GDF5: variants seen among roughly 807,000 people sequenced by gnomAD.
The protein encoded by GDF5 is growth differentiation factor 5, also known as growth/differentiation factor 5.
GDF5 carries 17 observed loss-of-function variants against 34.6 expected under a neutral mutation model. The observed-to-expected ratio is 0.49, with a 90% CI of 0.34 to 0.74. The LOEUF (loss-of-function observed/expected upper bound fraction) is 0.74. Among genes scored for constraint, GDF5 ranks in the 30% least tolerant of loss-of-function variants. The probability of loss-of-function intolerance (pLI) is 0.01; values close to 1 mark genes in which losing one functional copy is unlikely to be tolerated. For missense variants in GDF5, 616 were observed against 661.2 expected, an observed-to-expected ratio of 0.93 and a Z score of 0.75; for synonymous variants, 332 against 290.7, an observed-to-expected ratio of 1.14 and a Z score of -1.44.
intron 1 of GDF5, among the ~76,000 whole-genome samples, chr20:35,449,487 TGCTGTGTAGCCA>T (rs1278056640): frequency 6.6e-6 from 1 of 152,302 alleles, no homozygotes; most frequent in East Asian, 1.9e-4. Context: ...AGTGGCCTGA[TGCTGTGTAGCCA>T]GCTGCTCCCT....
chr20:35,438,663 T>C (rs2062486033), upstream of GDF5, among the ~76,000 whole-genome samples: 1 of 152,204 alleles, frequency 6.6e-6, no homozygotes, highest in Non-Finnish European at 1.5e-5. Flanking sequence ...CTCCACCTCA[T>C]GGAGCAGCCC....
chr20:35,448,236 C>T (rs900476186), intron 1 of GDF5, among the ~76,000 whole-genome samples: 1 of 151,830 alleles, frequency 6.6e-6, no homozygotes, highest in African/African-American at 2.4e-5. Context: ...CTAATTCCCA[C>T]TTTGTGTATA....
Position 35,434,418 on chromosome 20 carries a change from C to G in GDF5, c.997G>C (p.Ala333Pro). 6.2e-7 allele frequency: 1 copy of G among 1,613,592 alleles called. No homozygotes were observed. Among genetic ancestry groups the G allele is most frequent in the African/African-American group, 1.3e-5 (1 of 75,060 alleles). The stretch of plus-strand genomic sequence containing the variant: ...AGGGCTTTCTCGTGGACCTGCCGGG[C>G]GGCGCGGTCGAAGCCCAGGCCACGG... ...DLRGLGFDRA[A>P]RQVHEKALFL... is the part of the protein sequence containing the mutation. The change falls in exon 2 of 2, where the codon GCC becomes CCC. Residue 333 changes from alanine to proline, a missense_variant. Ala to Pro is a conservative substitution (Grantham distance 27, BLOSUM62 -1). Coordinates refer to ENST00000374369, the MANE Select transcript of GDF5 (RefSeq NM_000557.5).
At chr20:35,451,063 A>T (rs1267494369) in intron 1 of GDF5, among the ~76,000 whole-genome samples, 707 of 13,830 alleles carry the variant, frequency 0.051, 75 homozygotes, top group East Asian at 0.33. Flanking sequence ...AAAAAAAAAA[A>T]AATATATATA....
chr20:35,445,372 TA>T (rs923895389), intron 1 of GDF5, among the ~76,000 whole-genome samples: 2 of 150,990 alleles, frequency 1.3e-5, no homozygotes, highest in Admixed American at 6.6e-5. Context: ...TCTATAAAAA[TA>T]AAAAAAACTG....
At chr20:35,435,032 G>C (rs950113842) in intron 1 of GDF5, 7 of 631,536 alleles carry the variant, frequency 1.1e-5, no homozygotes, top group African/African-American at 1.8e-5. Flanking sequence ...TGATTCTGGT[G>C]TTTGTGTCAT....
At chr20:35,453,250 A>C (rs1412297501) in intron 1 of GDF5, among the ~76,000 whole-genome samples, 1 of 152,174 alleles carries the variant, frequency 6.6e-6, no homozygotes, top group Non-Finnish European at 1.5e-5. Flanking sequence ...ACCCCGTCTC[A>C]AAAAGAAAAG....
intron 1 of GDF5, among the ~76,000 whole-genome samples, chr20:35,448,410 A>T (rs927251410): frequency 8.0e-5 from 11 of 136,836 alleles, no homozygotes; most frequent in African/African-American, 2.9e-4. Flanking sequence ...AAAAAAAAAA[A>T]AAAATATATA....
chr20:35,446,339 C>T (rs963361577), intron 1 of GDF5, among the ~76,000 whole-genome samples: 2 of 151,796 alleles, frequency 1.3e-5, no homozygotes, highest in Non-Finnish European at 2.9e-5. Flanking sequence ...AAACTTGTAT[C>T]ACAGAGTGGT....
intron 1 of GDF5, chr20:35,453,826 C>G (rs2062548614): frequency 4.1e-6 from 2 of 485,358 alleles, no homozygotes; most frequent in South Asian, 3.1e-5. Context: ...TCCACTCATT[C>G]ACCCATTCAC....
chr20:35,440,138 A>G (rs1052664411), upstream of GDF5, among the ~76,000 whole-genome samples: 1 of 150,862 alleles, frequency 6.6e-6, no homozygotes, highest in Non-Finnish European at 1.5e-5. Context: ...TCTGGTCTCG[A>G]GCTCCTGACC....
At chr20:35,446,981 CTTTTT>C (rs1220520756) in intron 1 of GDF5, among the ~76,000 whole-genome samples, 4 of 152,080 alleles carry the variant, frequency 2.6e-5, no homozygotes, top group South Asian at 4.2e-4. Context: ...CTTTTCTTTT[CTTTTT>C]TATTATTATT....
intron 1 of GDF5, among the ~76,000 whole-genome samples, chr20:35,449,828 T>A (rs182263441): frequency 4.0e-4 from 61 of 151,528 alleles, no homozygotes; most frequent in African/African-American, 1.2e-3. Flanking sequence ...TACAAAAAAA[T>A]TTTTAAACAA....
chr20:35,443,210 G>T (rs2062503626), upstream of GDF5, among the ~76,000 whole-genome samples: 1 of 152,128 alleles, frequency 6.6e-6, no homozygotes, highest in Non-Finnish European at 1.5e-5. Context: ...TAATCACTTT[G>T]GTTCCCTCTG....
chr20:35,435,861 G>T (rs1452874738), intron 1 of GDF5, among the ~76,000 whole-genome samples: 1 of 152,176 alleles, frequency 6.6e-6, no homozygotes, highest in Non-Finnish European at 1.5e-5. Context: ...TTGGGCTTGT[G>T]TGACTATTTG....
intron 1 of GDF5, among the ~76,000 whole-genome samples, chr20:35,451,064 A>AATATATATATATATATATATATATATAT (rs1555824832): frequency 2.6e-4 from 18 of 69,060 alleles, no homozygotes; most frequent in Non-Finnish European, 3.1e-4. Context: ...AAAAAAAAAA[A>AATATATATATATATATATATATATATAT]ATATATATAT....
intron 1 of GDF5, among the ~76,000 whole-genome samples, chr20:35,436,900 T>G (rs1222206725): frequency 2.0e-5 from 3 of 152,208 alleles, no homozygotes; most frequent in Non-Finnish European, 4.4e-5. Context: ...TCAAGATTCA[T>G]TTCTTTCTCT....
intron 1 of GDF5, among the ~76,000 whole-genome samples, chr20:35,449,789 A>C (rs1055862977): frequency 6.6e-6 from 1 of 151,392 alleles, no homozygotes; most frequent in Non-Finnish European, 1.5e-5. Context: ...TTCAAGACCA[A>C]CCTGGACAAC....
chr20:35,440,118 T>C (rs541034052), upstream of GDF5, among the ~76,000 whole-genome samples: 53 of 151,680 alleles, frequency 3.5e-4, no homozygotes, highest in African/African-American at 1.3e-3. Flanking sequence ...AGTTTCACCA[T>C]GTTGGCCAGT....
Sources: gnomAD v4.1 joint callset for allele counts (sites outside exome capture counted in the v4.1 genomes callset) on GRCh38, gnomAD v4.1.1 for gene constraint, MANE v1.5 for transcripts, NCBI Gene and HGNC (gene_info 2026-07-23, HGNC 2026-07-21) for gene names.